Variants in AKAP13 observed in about 807,000 individuals in gnomAD.
The protein encoded by AKAP13 is A-kinase anchoring protein 13, also known as A-kinase anchor protein 13.
In AKAP13, 80 loss-of-function variants were observed where a neutral mutation model predicts 264.5. The ratio of observed to expected loss-of-function variants is 0.30; its 90% CI spans 0.25 to 0.36. The LOEUF is 0.36. Among genes scored for constraint, AKAP13 ranks in the 10% least tolerant of loss-of-function variants. The probability of loss-of-function intolerance (pLI) is 1.00; values close to 1 mark genes in which losing one functional copy is unlikely to be tolerated. For synonymous variants in AKAP13, 1,380 were observed against 1,250.2 expected, an observed-to-expected ratio of 1.10 and a Z score of -2.19; for missense variants, 3,712 against 3,435.2, an observed-to-expected ratio of 1.08 and a Z score of -2.01.
At chr15:85,565,367 A>G (rs1219931569) in intron 5 of AKAP13, among the ~76,000 whole-genome samples, 2 of 152,196 alleles carry the variant, frequency 1.3e-5, no homozygotes, top group South Asian at 2.1e-4. Context: ...AGCTGAGGCT[A>G]TGGTGCCTCT....
intron 12 of AKAP13, among the ~76,000 whole-genome samples, chr15:85,663,486 T>C (rs2083452020): frequency 1.3e-5 from 2 of 152,114 alleles, no homozygotes; most frequent in Admixed American, 6.5e-5. Context: ...CCAAAATAAA[T>C]AAATAAATAA....
At chr15:85,504,660 C>T (rs199697939) in intron 2 of AKAP13, among the ~76,000 whole-genome samples, 1 of 147,576 alleles carries the variant, frequency 6.8e-6, no homozygotes, top group Non-Finnish European at 1.5e-5. Flanking sequence ...CCACTGTACT[C>T]CAGCCTGGGT....
intron 8 of AKAP13, among the ~76,000 whole-genome samples, chr15:85,606,551 C>A (rs1321977576): frequency 6.6e-6 from 1 of 152,064 alleles, no homozygotes; most frequent in African/African-American, 2.4e-5. Flanking sequence ...TACAACAGGC[C>A]CCTACTTAAC....
intron 2 of AKAP13, among the ~76,000 whole-genome samples, chr15:85,517,100 A>T (rs992028641): frequency 1.3e-5 from 2 of 152,226 alleles, no homozygotes; most frequent in Non-Finnish European, 2.9e-5. Context: ...AGCCAGCTCC[A>T]GTATACCACT....
At position 85,579,097 on chromosome 15, in the gene AKAP13, A is replaced by G; in HGVS notation, c.1029A>G (p.Pro343=). The part of the protein sequence containing the change: ...SEETESTQCC[P]GSPVAQTESP... ...AGACTGAGAGCACTCAGTGCTGCCC[A>G]GGGAGCCCTGTTGCACAGACTGAAA... Residue 343 remains proline, a synonymous_variant, in exon 7 of 37, where the codon CCA becomes CCG. Transcript: ENST00000394518. 1 of 1,614,204 alleles carries G rather than the reference A, an allele frequency of 6.2e-7. No individual in the cohort carries two copies. Among genetic ancestry groups the G allele is most frequent in the African/African-American group, 1.3e-5 (1 of 75,050 alleles).
At chr15:85,491,497 T>TTATTATATATTATA (rs55702011) in intron 2 of AKAP13, among the ~76,000 whole-genome samples, 10 of 140,684 alleles carry the variant, frequency 7.1e-5, no homozygotes, top group East Asian at 2.0e-4. Context: ...TTATATATAT[T>TTATTATATATTATA]TATTATATAT....
At chr15:85,493,609 A>G (rs997842850) in intron 2 of AKAP13, among the ~76,000 whole-genome samples, 8 of 152,230 alleles carry the variant, frequency 5.3e-5, no homozygotes, top group Non-Finnish European at 1.0e-4. Flanking sequence ...GAAGCGTACT[A>G]GAAATAGTGC....
intron 9 of AKAP13, among the ~76,000 whole-genome samples, chr15:85,642,083 T>C (rs2082333622): frequency 6.6e-6 from 1 of 152,222 alleles, no homozygotes; most frequent in African/African-American, 2.4e-5. Context: ...CCTACCTGTG[T>C]CCACCTTTAA....
chr15:85,421,054 A>G (rs753449268), intron 1 of AKAP13, among the ~76,000 whole-genome samples: 4 of 152,238 alleles, frequency 2.6e-5, no homozygotes, highest in Non-Finnish European at 4.4e-5. Flanking sequence ...GTATAGATGG[A>G]TGATGACTTA....
intron 9 of AKAP13, among the ~76,000 whole-genome samples, chr15:85,644,693 C>CAAAAA (rs1161365911): frequency 0.017 from 1,803 of 103,542 alleles, no homozygotes; most frequent in Non-Finnish European, 0.021. Flanking sequence ...ACTAAAAATA[C>CAAAAA]AAAAAAAAAA....
At chr15:85,399,060 G>A in intron 1 of AKAP13, among the ~76,000 whole-genome samples, 1 of 152,106 alleles carries the variant, frequency 6.6e-6, no homozygotes, top group East Asian at 1.9e-4. Context: ...AATTGTTAGG[G>A]CAAATGGTGT....
intron 11 of AKAP13, among the ~76,000 whole-genome samples, chr15:85,656,928 A>C (rs1271122388): frequency 6.6e-6 from 1 of 152,148 alleles, no homozygotes; most frequent in Non-Finnish European, 1.5e-5. Flanking sequence ...AATTGATGTA[A>C]TCTCATGAGC....
Position 85,718,233 on chromosome 15 carries a change from C to A in AKAP13, c.6001+74C>A, listed in dbSNP as rs1023058994. The stretch of plus-strand genomic sequence containing the variant: ...CATTTTTAAGCAGTAATTTGTTGGA[C>A]TATGAAAAATCAGTTTTTTAGTATG... On this transcript the variant is annotated intron_variant, in intron 22 of 36. Transcript: ENST00000394518. The surrounding 1 kb of genome is among the most constrained non-coding windows in gnomAD (Gnocchi z 4.9). The A allele has an allele frequency of 6.5e-7, 1 of 1,538,732 alleles. No homozygotes were observed.
At chr15:85,613,703 TATATATATATTA>T (rs2080800706) in intron 8 of AKAP13, among the ~76,000 whole-genome samples, 2 of 124,296 alleles carry the variant, frequency 1.6e-5, no homozygotes, top group Non-Finnish European at 3.5e-5. Flanking sequence ...TATATATATA[TATATATATATTA>T]GGAGTGCTGA....
At chr15:85,658,397 C>T in intron 11 of AKAP13, 140 bp from the exon 12 acceptor site, 1 of 611,954 alleles carries the variant, frequency 1.6e-6, no homozygotes. Context: ...TTTTCTCATT[C>T]CACATTCCTT....
intron 5 of AKAP13, among the ~76,000 whole-genome samples, chr15:85,552,592 T>C (rs1190083802): frequency 2.0e-5 from 3 of 151,784 alleles, no homozygotes; most frequent in African/African-American, 7.2e-5. Flanking sequence ...TACATTTATA[T>C]CAGGATTGAG....
rs1444867738 is a variant in AKAP13 at position 85,736,091 on chromosome 15, G to A, written c.7514G>A (p.Gly2505Asp). The part of the protein sequence containing the change: ...RTESDSGLKK[G>D]GNANLVFMLK... ...ATATGTATGTTTTTTGTTTTATAGG[G>A]TGGAAATGCTAACCTGGTATTTATG... The change falls in exon 33 of 37, where the codon GGT (glycine) becomes GAT (aspartate). Residue 2505 changes from glycine to aspartate, a missense_variant and splice_region_variant. Physicochemically the swap from Gly to Asp is moderately conservative, Grantham distance 94 (BLOSUM62 -1). Transcript: ENST00000394518. The A allele has an allele frequency of 1.2e-6, 2 of 1,604,512 alleles. No homozygotes were observed. Among genetic ancestry groups the A allele is most frequent in the Admixed American group, 3.3e-5 (2 of 59,914 alleles).
At chr15:85,738,839 C>T (rs964414045) in intron 33 of AKAP13, among the ~76,000 whole-genome samples, 8 of 123,318 alleles carry the variant, frequency 6.5e-5, no homozygotes, top group Non-Finnish European at 1.0e-4. Flanking sequence ...AGCGAGACTC[C>T]GTCTCAAAAA....
intron 8 of AKAP13, among the ~76,000 whole-genome samples, chr15:85,600,727 A>G (rs982548937): frequency 1.3e-5 from 2 of 152,248 alleles, no homozygotes; most frequent in African/African-American, 4.8e-5. Flanking sequence ...AGCCCCAAAA[A>G]GCATTTATGT....
Sources: gnomAD v4.1 joint callset for allele counts (sites outside exome capture counted in the v4.1 genomes callset) on GRCh38, gnomAD v4.1.1 for gene constraint, Gnocchi (gnomAD v3.1) non-coding constraint, MANE v1.5 for transcripts, NCBI Gene and HGNC (gene_info 2026-07-23, HGNC 2026-07-21) for gene names.